SYT1: variants seen among roughly 807,000 people sequenced by gnomAD.
SYT1 encodes the protein synaptotagmin-1.
A neutral mutation model predicts 44.8 loss-of-function variants in SYT1; 8 were observed. That is an observed-to-expected ratio of 0.18 (90% CI 0.10 to 0.32). The LOEUF (loss-of-function observed/expected upper bound fraction) is 0.32, where lower values mean the gene tolerates loss of function less well. Among genes scored for constraint, SYT1 ranks in the 10% least tolerant of loss-of-function variants. The pLI, the probability that SYT1 is intolerant of heterozygous loss-of-function variation, is 1.00. For synonymous variants in SYT1, 154 were observed against 188.8 expected (o/e 0.82, Z 1.51); for missense variants, 286 against 509.3 (o/e 0.56, Z 4.22).
chr12:78,908,121 C>T (rs1389906089), intron 1 of SYT1, among the ~76,000 whole-genome samples: 3 of 152,000 alleles, frequency 2.0e-5, no homozygotes, highest in Admixed American at 6.6e-5. Flanking sequence ...TCTCATCTTG[C>T]CAGTTTTCAG....
rs77468795 is a variant in SYT1, at chr12:78,919,091, A to G, written c.-217+53982A>G. Among the ~76,000 whole-genome samples the G allele has an allele frequency of 7.5e-3, 1,147 of 152,164 alleles. 8 individuals are homozygous for G. Among genetic ancestry groups the G allele is most frequent in the Middle Eastern group, 0.024 (7 of 294 alleles). On this transcript the variant is annotated intron_variant, in intron 1 of 10. Coordinates refer to ENST00000261205, the MANE Select transcript of SYT1 (RefSeq NM_005639.3). ...ATGACAGAGTTATTGATGACTTTTCATGATTATTAATTCCTGTCTTTGTGC... is the reference window on the plus strand; with the variant it reads ...ATGACAGAGTTATTGATGACTTTTCGTGATTATTAATTCCTGTCTTTGTGC...
intron 9 of SYT1, among the ~76,000 whole-genome samples, chr12:79,431,512 TATTATTTATTTATTTA>T (rs1250942859): frequency 1.6e-3 from 78 of 49,330 alleles, no homozygotes; most frequent in Non-Finnish European, 3.5e-3. Flanking sequence ...TATTTTATTT[TATTATTTATTTATTTA>T]TTTATTTATT....
At chr12:79,185,384 A>G (rs1872746246) in intron 3 of SYT1, among the ~76,000 whole-genome samples, 1 of 151,988 alleles carries the variant, frequency 6.6e-6, no homozygotes, top group African/African-American at 2.4e-5. Context: ...TTTAGGGTTG[A>G]ATGCACATTG....
At chr12:78,920,920 C>A (rs7976967) in intron 1 of SYT1, among the ~76,000 whole-genome samples, 16 of 151,458 alleles carry the variant, frequency 1.1e-4, no homozygotes, top group Non-Finnish European at 1.5e-4. Flanking sequence ...ATACTAAGAT[C>A]CAGTCCTCAG....
rs539037235 is a variant in SYT1 at position 79,098,779 on chromosome 12, CTT to C, written c.-18+51419_-18+51420del. ...TCAGGACCTTTGAGGAACTGAATCT[CTT>C]TGTGAATAAGCAGCTCCTAAGAAAG... On this transcript the variant is annotated intron_variant, in intron 3 of 10. Coordinates refer to ENST00000261205, the MANE Select transcript of SYT1 (RefSeq NM_005639.3). Among the ~76,000 whole-genome samples, 472 of 152,184 alleles carry C rather than the reference CTT, an allele frequency of 3.1e-3. 2 individuals carry two copies. Among genetic ancestry groups the C allele is most frequent in the African/African-American group, 0.011 (452 of 41,542 alleles).
intron 3 of SYT1, among the ~76,000 whole-genome samples, chr12:79,096,879 G>A (rs2138030061): frequency 1.3e-5 from 2 of 152,110 alleles, no homozygotes; most frequent in South Asian, 4.2e-4. Context: ...AGCAGAGTCA[G>A]AGAGATTAAG....
intron 5 of SYT1, among the ~76,000 whole-genome samples, chr12:79,289,435 G>A (rs1054101906): frequency 6.6e-6 from 1 of 152,152 alleles, no homozygotes; most frequent in African/African-American, 2.4e-5. Context: ...TTTGGGACAG[G>A]AATAGACTTA....
rs1357579849 is a variant in SYT1 at position 78,918,978 on chromosome 12, T to A, written c.-217+53869T>A. ...TTGGAAAGAAAAATGGTAATTAAGATCAAGATGTGGAGACAGGACAAATGA... is the reference window on the plus strand; with the variant it reads ...TTGGAAAGAAAAATGGTAATTAAGAACAAGATGTGGAGACAGGACAAATGA... On this transcript the variant is annotated intron_variant, in intron 1 of 10. Coordinates refer to ENST00000261205, the MANE Select transcript of SYT1 (RefSeq NM_005639.3). 3.9e-5 allele frequency among the ~76,000 whole-genome samples: 6 copies of A among 152,132 alleles called. No homozygotes were observed. The East Asian group carries it at 1.2e-3, about 29-fold the overall frequency.
chr12:79,324,030 C>G (rs1436886029), intron 8 of SYT1, among the ~76,000 whole-genome samples: 1 of 149,268 alleles, frequency 6.7e-6, no homozygotes, highest in East Asian at 2.0e-4. Flanking sequence ...AGCTCACTAC[C>G]ACCTCCACCT....
chr12:79,298,221 A>C (rs1027308172), intron 7 of SYT1, among the ~76,000 whole-genome samples: 1 of 152,106 alleles, frequency 6.6e-6, no homozygotes. Context: ...TACTCTAAAA[A>C]ATTTTGTTTC....
chr12:78,951,351 A>T (rs1878957293), intron 1 of SYT1, among the ~76,000 whole-genome samples: 1 of 152,164 alleles, frequency 6.6e-6, no homozygotes, highest in Non-Finnish European at 1.5e-5. Flanking sequence ...CTAGGGATAT[A>T]AAAACAAATT....
rs374979313 is a variant in SYT1, at chr12:79,317,431, C to A, written c.810+17880C>A. On this transcript the variant is annotated intron_variant, in intron 8 of 10. Coordinates refer to ENST00000261205, the MANE Select transcript of SYT1 (RefSeq NM_005639.3). Reference sequence around the variant, plus strand: ...CATTAATCATATGCAATTATTTTCCCCCTGGGACGGGCCACAGCAAGATTG... The same window carrying A: ...CATTAATCATATGCAATTATTTTCCACCTGGGACGGGCCACAGCAAGATTG... Among the ~76,000 whole-genome samples, 7 of 152,258 alleles carry A rather than the reference C, an allele frequency of 4.6e-5. 1 individual carries two copies. Among genetic ancestry groups the A allele is most frequent in the Admixed American group, 3.3e-4 (5 of 15,304 alleles).
At chr12:79,319,852 C>T (rs1291463270) in intron 8 of SYT1, among the ~76,000 whole-genome samples, 1 of 152,180 alleles carries the variant, frequency 6.6e-6, no homozygotes, top group African/African-American at 2.4e-5. Flanking sequence ...TAATGTCTTC[C>T]ATCTCTTTCA....
intron 4 of SYT1, among the ~76,000 whole-genome samples, chr12:79,244,778 C>T (rs953069590): frequency 6.6e-6 from 1 of 151,336 alleles, no homozygotes; most frequent in Admixed American, 6.6e-5. Flanking sequence ...AGTTTCCACA[C>T]ATCTCAGTTT....
intron 1 of SYT1, among the ~76,000 whole-genome samples, chr12:78,956,066 G>A (rs1478156571): frequency 6.6e-6 from 1 of 152,028 alleles, no homozygotes; most frequent in Non-Finnish European, 1.5e-5. Context: ...TGAAGGTGCA[G>A]TATGAGGGTG....
At chr12:79,347,663 A>G (rs1921024) in intron 8 of SYT1, among the ~76,000 whole-genome samples, 19,510 of 152,194 alleles carry the variant, frequency 0.13, 2,327 homozygotes, top group African/African-American at 0.32. Flanking sequence ...CAGTTGTAAG[A>G]AAGCTGCATG....
intron 3 of SYT1, among the ~76,000 whole-genome samples, chr12:79,148,671 T>A (rs1411646489): frequency 6.6e-6 from 1 of 152,170 alleles, no homozygotes; most frequent in Non-Finnish European, 1.5e-5. Context: ...AAACAGATCT[T>A]TGGCTATTGT....
intron 9 of SYT1, among the ~76,000 whole-genome samples, chr12:79,388,873 T>G (rs1884545353): frequency 6.6e-6 from 1 of 152,192 alleles, no homozygotes. Context: ...TCTACATCAT[T>G]ACATCACACA....
intron 1 of SYT1, among the ~76,000 whole-genome samples, chr12:78,956,440 G>A (rs538613321): frequency 2.0e-5 from 3 of 151,752 alleles, no homozygotes; most frequent in Non-Finnish European, 2.9e-5. Flanking sequence ...TCATTAAATT[G>A]TCTTGATGGT....
Sources: gnomAD v4.1 joint callset for allele counts (sites outside exome capture counted in the v4.1 genomes callset) on GRCh38, gnomAD v4.1.1 for gene constraint, MANE v1.5 for transcripts, NCBI Gene and HGNC (gene_info 2026-07-23, HGNC 2026-07-21) for gene names.